PKM: variants seen among roughly 807,000 people sequenced by gnomAD.
PKM encodes the protein pyruvate kinase M1/2, also known as pyruvate kinase PKM.
In PKM, 18 loss-of-function variants were observed where a neutral mutation model predicts 49.8. The ratio of observed to expected loss-of-function variants is 0.36; its 90% CI spans 0.25 to 0.54. PKM has a LOEUF of 0.54. Among genes scored for constraint, PKM ranks in the 20% least tolerant of loss-of-function variants. The pLI is 0.89. For missense variants in PKM, 508 were observed against 713.8 expected (o/e 0.71, Z 3.28); for synonymous variants, 239 against 261.8 (o/e 0.91, Z 0.84).
At position 72,200,156 on chromosome 15, in the gene PKM, A is replaced by C. The variant is rs1034150811; in HGVS notation, c.1489+318T>G. Among the ~76,000 whole-genome samples the C allele has an allele frequency of 6.6e-6, 1 of 152,082 alleles. No individual in the cohort carries two copies. Among genetic ancestry groups the C allele is most frequent in the Non-Finnish European group, 1.5e-5 (1 of 68,030 alleles). On this transcript the variant is annotated intron_variant, in intron 10 of 10. Coordinates refer to ENST00000335181, the MANE Select transcript of PKM (RefSeq NM_002654.6). This position sits in a 1 kb window ranked among gnomAD's most constrained non-coding sequence, Gnocchi z 4.6. ...TTAAAAAAAAAACAAAAAACAAAAAAAACTCTCAGTAATGAGCAGATGCCA... is the reference window on the plus strand; with the variant it reads ...TTAAAAAAAAAACAAAAAACAAAAACAACTCTCAGTAATGAGCAGATGCCA...
chr15:72,219,070 T>C lies in PKM; in HGVS notation c.28A>G (p.Thr10Ala), dbSNP rs1402959639. The C allele has an allele frequency of 6.2e-7, 1 of 1,614,110 alleles. No homozygotes were observed. Residue 10 changes from threonine to alanine, a missense_variant, in exon 2 of 11, where the codon ACT becomes GCT. Thr to Ala is a moderately conservative substitution (Grantham distance 58). Transcript: ENST00000335181. The stretch of plus-strand genomic sequence containing the variant: ...AGCTGCTGGGTCTGAATGAAGGCAG[T>C]CCCGGCTTCACTATGGGGCTTCGAC... MSKPHSEAG[T>A]AFIQTQQLHA... is the part of the protein sequence containing the mutation.
Position 72,209,863 on chromosome 15 carries a change from G to T in PKM, c.379-4C>A. 6.2e-7 allele frequency: 1 copy of T among 1,613,752 alleles called. No homozygotes were observed. The highest frequency in any genetic ancestry group is 8.5e-7 in the Non-Finnish European group (1 of 1,179,732). The stretch of plus-strand genomic sequence containing the variant: ...GCTCCACCTCTGCAGTGCCGCTCTA[G>T]GGACAAGAGAGTAAGCAAGAGTCCA... On this transcript the variant is annotated splice_region_variant and splice_polypyrimidine_tract_variant and intron_variant, in intron 4 of 10. Coordinates refer to ENST00000335181, the MANE Select transcript of PKM (RefSeq NM_002654.6).
chr15:72,218,560 C>T lies in PKM; in HGVS notation c.154+384G>A, dbSNP rs372734953. ...TCAGCCTCCCATGTAGCCAGAACTACAGGTGCATGCCACCATGCCCAGCTA... is the reference window on the plus strand; with the variant it reads ...TCAGCCTCCCATGTAGCCAGAACTATAGGTGCATGCCACCATGCCCAGCTA... On this transcript the variant is annotated intron_variant, in intron 2 of 10. Coordinates refer to ENST00000335181, the MANE Select transcript of PKM (RefSeq NM_002654.6). Among the ~76,000 whole-genome samples the T allele has an allele frequency of 8.6e-5, 13 of 151,568 alleles. No homozygotes were observed. In the East Asian group the frequency reaches 2.5e-3, roughly 29 times the overall value.
At chr15:72,227,699 T>A (rs1210862882) in intron 1 of PKM, among the ~76,000 whole-genome samples, 1 of 114,462 alleles carries the variant, frequency 8.7e-6, no homozygotes, top group Non-Finnish European at 1.6e-5. Context: ...TGAGCCGAGA[T>A]CACACCATTG....
At chr15:72,211,446 CT>C (rs1033534346) in intron 3 of PKM, among the ~76,000 whole-genome samples, 2 of 152,140 alleles carry the variant, frequency 1.3e-5, no homozygotes, top group Admixed American at 1.3e-4. Context: ...TTTATTACTC[CT>C]TGCTTACAAC....
chr15:72,217,228 C>T (rs1443046027), intron 3 of PKM, among the ~76,000 whole-genome samples, 181 bp downstream of exon 3: 4 of 152,176 alleles, frequency 2.6e-5, no homozygotes, highest in African/African-American at 9.7e-5. Context: ...GAGACTCAGC[C>T]AGTTGCTTTG....
intron 3 of PKM, among the ~76,000 whole-genome samples, chr15:72,213,453 T>C: frequency 6.6e-6 from 1 of 152,180 alleles, no homozygotes. Flanking sequence ...GAACCAGATC[T>C]TAATCACTTT....
In PKM at chr15:72,218,586, A is replaced by ATT. The variant is rs11356526; in HGVS notation, c.154+356_154+357dup. On this transcript the variant is annotated intron_variant, in intron 2 of 10. Coordinates refer to ENST00000335181, the MANE Select transcript of PKM (RefSeq NM_002654.6). ...AGGTGCATGCCACCATGCCCAGCTA[A>ATT]TTTTTTTTTTTTTTTTTTCACTTTT... is the stretch of plus-strand genomic sequence containing the variant. Among the ~76,000 whole-genome samples, 129 of 135,540 alleles carry ATT rather than the reference A, an allele frequency of 9.5e-4. No homozygotes were observed. In the East Asian group the frequency reaches 0.015, roughly 16 times the overall value. 88.9% of individuals were successfully genotyped at this position (135,540 alleles called of 152,430 possible). A position where few individuals can be genotyped will look rare whatever the true frequency, so the allele number is the denominator to read the frequency against.
At chr15:72,203,626 G>A in intron 8 of PKM, 1 of 271,712 alleles carries the variant, frequency 3.7e-6, no homozygotes, top group Admixed American at 5.0e-5. Flanking sequence ...CAGCCTCCAT[G>A]CATGCATGGA....
intron 3 of PKM, among the ~76,000 whole-genome samples, chr15:72,216,860 A>T (rs1357123390): frequency 2.6e-5 from 4 of 152,154 alleles, no homozygotes; most frequent in Non-Finnish European, 5.9e-5. Flanking sequence ...ATGTACCAGA[A>T]CCCCTGGGAA....
At chr15:72,228,639 G>GCC (rs1386518902) in intron 1 of PKM, 1 of 1,285,332 alleles carries the variant, frequency 7.8e-7, no homozygotes, top group Admixed American at 2.3e-5. Context: ...TCCCCACAGA[G>GCC]CCCCACTCCC....
At position 72,202,453 on chromosome 15, in the gene PKM, C is replaced by T; in HGVS notation, c.1307+1G>A. The T allele has an allele frequency of 1.9e-6, 3 of 1,612,330 alleles. No homozygotes were observed. In the South Asian group the frequency reaches 3.3e-5, roughly 18 times the overall value. On this transcript the variant is annotated splice_donor_variant, in intron 9 of 10. Transcript: ENST00000335181. LOFTEE classifies it high-confidence loss of function. This position sits in a 1 kb window ranked among gnomAD's most constrained non-coding sequence, Gnocchi z 4.5. ...TCCAGGGAGCCGCTGCCGCCTCCTA[C>T]CTGCCAGACTTGGTGAGGACGATTA...
At chr15:72,214,820 A>AAATC (rs1285531306) in intron 3 of PKM, among the ~76,000 whole-genome samples, 2 of 150,988 alleles carry the variant, frequency 1.3e-5, no homozygotes, top group Non-Finnish European at 2.9e-5. Flanking sequence ...ATAAATAAAT[A>AAATC]AATCTGGAAA....
At chr15:72,203,131 G>A (rs945647693) in intron 8 of PKM, 13 of 1,613,886 alleles carry the variant, frequency 8.1e-6, no homozygotes, top group Non-Finnish European at 1.0e-5. Context: ...CTTGAGGCTC[G>A]CACAAGTTCT....
chr15:72,211,150 C>T (rs2082241841), intron 3 of PKM, among the ~76,000 whole-genome samples: 1 of 151,844 alleles, frequency 6.6e-6, no homozygotes, highest in Non-Finnish European at 1.5e-5. Context: ...ACTGCAAGCT[C>T]CACCTCCCAG....
chr15:72,209,305 G>A (rs2082169159), intron 5 of PKM, among the ~76,000 whole-genome samples: 1 of 150,600 alleles, frequency 6.6e-6, no homozygotes, highest in Non-Finnish European at 1.5e-5. Context: ...GGAGGCAGAG[G>A]TTGCAGTGAG....
intron 4 of PKM, chr15:72,210,097 C>G (rs2082210757): frequency 3.2e-6 from 2 of 621,174 alleles, no homozygotes; most frequent in African/African-American, 1.8e-5. Flanking sequence ...GATGGTTCTC[C>G]AAGTTAGAAA....
At chr15:72,206,954 C>A in intron 7 of PKM, 74 bp from the exon 8 acceptor site, 1 of 1,564,262 alleles carries the variant, frequency 6.4e-7, no homozygotes, top group Non-Finnish European at 8.8e-7. Flanking sequence ...AGCTGATCCT[C>A]TGGATAGTGA....
At chr15:72,216,458 C>G (rs8031386) in intron 3 of PKM, among the ~76,000 whole-genome samples, 2 of 151,678 alleles carry the variant, frequency 1.3e-5, no homozygotes, top group East Asian at 3.9e-4. Context: ...TCATTTCCCC[C>G]AAAAAAATTT....
Sources: gnomAD v4.1 joint callset for allele counts (sites outside exome capture counted in the v4.1 genomes callset) on GRCh38, gnomAD v4.1.1 for gene constraint, Gnocchi (gnomAD v3.1) non-coding constraint, MANE v1.5 for transcripts, NCBI Gene and HGNC (gene_info 2026-07-23, HGNC 2026-07-21) for gene names.